The following IMMP2L variants were observed in gnomAD, a reference collection of about 807,000 sequenced individuals.
IMMP2L encodes inner mitochondrial membrane peptidase subunit 2, also known as mitochondrial inner membrane protease subunit 2.
A neutral mutation model predicts 19.3 loss-of-function variants in IMMP2L; 18 were observed. That is an observed-to-expected ratio of 0.93 (90% CI 0.64 to 1.38). The LOEUF (loss-of-function observed/expected upper bound fraction) is 1.38, where lower values mean the gene tolerates loss of function less well. IMMP2L is among the 40% of genes most tolerant of loss of function. IMMP2L has a pLI of 0.00. For missense variants in IMMP2L, 233 were observed against 218.2 expected, an observed-to-expected ratio of 1.07 and a Z score of -0.43; for synonymous variants, 76 against 73.0, an observed-to-expected ratio of 1.04 and a Z score of -0.21.
intron 3 of IMMP2L, among the ~76,000 whole-genome samples, chr7:111,285,022 C>T (rs1563010782): frequency 6.6e-6 from 1 of 152,094 alleles, no homozygotes; most frequent in African/African-American, 2.4e-5. Context: ...GGTGGAGTGA[C>T]TGTGCTGAGG....
At chr7:110,894,628 T>C (rs1811140704) in intron 4 of IMMP2L, among the ~76,000 whole-genome samples, 1 of 152,204 alleles carries the variant, frequency 6.6e-6, no homozygotes, top group African/African-American at 2.4e-5. Flanking sequence ...ATTAGATATG[T>C]TTTGTAAATA....
chr7:111,263,796 T>C (rs1188059816), intron 3 of IMMP2L, among the ~76,000 whole-genome samples: 2 of 152,072 alleles, frequency 1.3e-5, no homozygotes, highest in Admixed American at 6.6e-5. Flanking sequence ...AGTGAAACAC[T>C]AGGAGCACAT....
chr7:111,471,182 G>A (rs1040760081), intron 3 of IMMP2L, among the ~76,000 whole-genome samples: 1 of 151,988 alleles, frequency 6.6e-6, no homozygotes, highest in African/African-American at 2.4e-5. Context: ...AATTGAAGAG[G>A]ACTCACAGAT....
In IMMP2L at chr7:110,971,757, T is replaced by C. The variant is rs368153720; in HGVS notation, c.240-8192A>G. 7.2e-5 allele frequency among the ~76,000 whole-genome samples: 11 copies of C among 152,254 alleles called. No homozygotes were observed. The South Asian group carries it at 2.1e-3, about 29-fold the overall frequency. On this transcript the variant is annotated intron_variant, in intron 3 of 5. Coordinates refer to ENST00000405709, the MANE Select transcript of IMMP2L (RefSeq NM_032549.4). Reference sequence around the variant, plus strand: ...TTTTGCATACCTGATATTTATGGCCTGAAAATTTGTATCCATTCCATTGTC... The same window carrying C: ...TTTTGCATACCTGATATTTATGGCCCGAAAATTTGTATCCATTCCATTGTC...
At chr7:110,849,178 G>C (rs977352646) in intron 5 of IMMP2L, among the ~76,000 whole-genome samples, 4 of 152,126 alleles carry the variant, frequency 2.6e-5, no homozygotes, top group Admixed American at 2.0e-4. Context: ...TGAGGACAGA[G>C]GATATATGAG....
At chr7:111,130,460 A>G (rs2129593566) in intron 3 of IMMP2L, among the ~76,000 whole-genome samples, 1 of 152,254 alleles carries the variant, frequency 6.6e-6, no homozygotes, top group African/African-American at 2.4e-5. Flanking sequence ...TAATAGTATG[A>G]TGTGACCATT....
At chr7:110,765,297 T>C (rs1043462967) in intron 5 of IMMP2L, among the ~76,000 whole-genome samples, 2 of 152,108 alleles carry the variant, frequency 1.3e-5, no homozygotes, top group Non-Finnish European at 2.9e-5. Context: ...AACATTATCA[T>C]AGGAAATTAA....
chr7:111,515,837 T>G (rs1197789537), intron 2 of IMMP2L, among the ~76,000 whole-genome samples: 12 of 152,146 alleles, frequency 7.9e-5, no homozygotes, highest in Admixed American at 7.9e-4. Context: ...TTTCTATATT[T>G]AAGTCCTAAA....
intron 3 of IMMP2L, among the ~76,000 whole-genome samples, chr7:111,410,671 G>C (rs887506685): frequency 6.6e-6 from 1 of 151,486 alleles, no homozygotes; most frequent in Non-Finnish European, 1.5e-5. Flanking sequence ...AGTTCAATAA[G>C]ATTAAAGACT....
Position 111,238,661 on chromosome 7 carries a change from T to C in IMMP2L, c.239+248577A>G, listed in dbSNP as rs147762328. On this transcript the variant is annotated intron_variant, in intron 3 of 5. Transcript: ENST00000405709. ...GACCCCTCAAAAGGTAAAATATCCA[T>C]GCATGAGGATAGCTGTTATGACATA... is the stretch of plus-strand genomic sequence containing the variant. Among the ~76,000 whole-genome samples, 12 of 152,078 alleles carry C rather than the reference T, an allele frequency of 7.9e-5. No individual in the cohort carries two copies. In the East Asian group the frequency reaches 1.5e-3, roughly 20 times the overall value.
intron 3 of IMMP2L, among the ~76,000 whole-genome samples, chr7:111,155,693 CACAG>C (rs1178737716): frequency 4.2e-4 from 64 of 151,874 alleles, no homozygotes; most frequent in African/African-American, 6.3e-4. Flanking sequence ...TATACACACA[CACAG>C]ACAGTCATGT....
At chr7:110,833,024 C>T (rs550491158) in intron 5 of IMMP2L, among the ~76,000 whole-genome samples, 1 of 152,306 alleles carries the variant, frequency 6.6e-6, no homozygotes, top group South Asian at 2.1e-4. Context: ...CTACCTCATA[C>T]ATAAGATGTA....
At chr7:110,876,898 C>A (rs1270444696) in intron 5 of IMMP2L, among the ~76,000 whole-genome samples, 1 of 152,132 alleles carries the variant, frequency 6.6e-6, no homozygotes, top group East Asian at 1.9e-4. Flanking sequence ...GTTCAAATTT[C>A]TGACTTTCCT....
chr7:111,237,446 G>A (rs1814466304), intron 3 of IMMP2L, among the ~76,000 whole-genome samples: 1 of 151,752 alleles, frequency 6.6e-6, no homozygotes, highest in Admixed American at 6.6e-5. Context: ...TTTATAATTT[G>A]TTTCTTTCAA....
intron 4 of IMMP2L, among the ~76,000 whole-genome samples, chr7:110,930,499 T>C (rs564829945): frequency 1.3e-5 from 2 of 152,284 alleles, no homozygotes; most frequent in East Asian, 1.9e-4. Flanking sequence ...ACATTTATTA[T>C]AATAGCTATA....
At chr7:110,767,371 G>T (rs1798740562) in intron 5 of IMMP2L, among the ~76,000 whole-genome samples, 1 of 152,038 alleles carries the variant, frequency 6.6e-6, no homozygotes, top group Non-Finnish European at 1.5e-5. Flanking sequence ...GTTTAAACTG[G>T]TTCATTTTTA....
At chr7:111,065,852 A>G (rs1045928341) in intron 3 of IMMP2L, among the ~76,000 whole-genome samples, 1 of 152,078 alleles carries the variant, frequency 6.6e-6, no homozygotes, top group Admixed American at 6.5e-5. Context: ...TCCCTTTTAT[A>G]TACATATCTA....
intron 3 of IMMP2L, among the ~76,000 whole-genome samples, chr7:111,435,356 A>G (rs576707472): frequency 6.6e-6 from 1 of 152,080 alleles, no homozygotes; most frequent in South Asian, 2.1e-4. Flanking sequence ...CAGTCATAAA[A>G]AAGAATGAAA....
chr7:110,968,871 T>G (rs1477071992), intron 3 of IMMP2L, among the ~76,000 whole-genome samples: 1 of 152,034 alleles, frequency 6.6e-6, no homozygotes, highest in African/African-American at 2.4e-5. Context: ...ACTCAGTAAA[T>G]TTTAGACACC....
Sources: gnomAD v4.1 joint callset for allele counts (sites outside exome capture counted in the v4.1 genomes callset) on GRCh38, gnomAD v4.1.1 for gene constraint, MANE v1.5 for transcripts, NCBI Gene and HGNC (gene_info 2026-07-23, HGNC 2026-07-21) for gene names.